AXIN1: variants seen among roughly 807,000 people sequenced by gnomAD.
AXIN1 encodes axin-1.
AXIN1 carries 30 observed loss-of-function variants against 76.4 expected under a neutral mutation model. That is an observed-to-expected ratio of 0.39 (90% CI 0.29 to 0.53). The LOEUF (loss-of-function observed/expected upper bound fraction) is 0.53, where lower values mean the gene tolerates loss of function less well. Ranked by LOEUF, AXIN1 falls within the 20% of genes least tolerant of loss-of-function variation. The pLI is 0.66. For synonymous variants in AXIN1, 545 were observed against 501.4 expected (o/e 1.09, Z -1.16); for missense variants, 1,140 against 1,198.8 (o/e 0.95, Z 0.72).
Position 293,389 on chromosome 16 carries a change from GT to G in AXIN1, c.2186+98del. ...ATGGCTGGGGGACACCCAGAGGGCC[GT>G]TTTTCCCCTGAAGACCTCAGGCCTC... On this transcript the variant is annotated intron_variant, in intron 8 of 10. Transcript: ENST00000262320. This position sits in a 1 kb window ranked among gnomAD's most constrained non-coding sequence, Gnocchi z 4.6. The G allele has an allele frequency of 7.8e-7, 1 of 1,275,540 alleles. No individual in the cohort carries two copies. Among genetic ancestry groups the G allele is most frequent in the Non-Finnish European group, 1.1e-6 (1 of 911,150 alleles). The allele number at this position is 1,275,540 out of a possible 1,614,324, so 79.0% of individuals were successfully genotyped here.
intron 2 of AXIN1, among the ~76,000 whole-genome samples, chr16:323,146 G>GA (rs1407736610): frequency 5.9e-5 from 9 of 152,090 alleles, no homozygotes; most frequent in African/African-American, 2.2e-4. Flanking sequence ...AAAAAGAAAA[G>GA]AAAAGGAAAG....
At chr16:325,931 G>T (rs2053570451) in intron 2 of AXIN1, among the ~76,000 whole-genome samples, 1 of 152,004 alleles carries the variant, frequency 6.6e-6, no homozygotes, top group Non-Finnish European at 1.5e-5. Context: ...CACAGAGAGG[G>T]CCCCACTCAC....
At chr16:299,667 T>C (rs1364852388) in intron 5 of AXIN1, among the ~76,000 whole-genome samples, 2 of 137,950 alleles carry the variant, frequency 1.4e-5, no homozygotes, top group African/African-American at 2.7e-5. Flanking sequence ...TTTATTTTCA[T>C]TTTTTTGAGA....
At chr16:344,525 GT>G (rs2141694517) in intron 2 of AXIN1, among the ~76,000 whole-genome samples, 1 of 140,610 alleles carries the variant, frequency 7.1e-6, no homozygotes, top group African/African-American at 2.7e-5. Context: ...TTGTCCTCTT[GT>G]CGCCCAGGCT....
At chr16:303,074 C>A (rs1366550151) in intron 5 of AXIN1, among the ~76,000 whole-genome samples, 3 of 152,246 alleles carry the variant, frequency 2.0e-5, no homozygotes, top group Non-Finnish European at 4.4e-5. Context: ...ATTGCCCAGG[C>A]TGGGCTCAAA....
intron 3 of AXIN1, among the ~76,000 whole-genome samples, chr16:313,460 G>C (rs1377268622): frequency 6.6e-6 from 1 of 152,224 alleles, no homozygotes; most frequent in South Asian, 2.1e-4. Context: ...CCAGCTAAGC[G>C]GGAAAGACAT....
At chr16:302,435 G>C (rs2052897955) in intron 5 of AXIN1, among the ~76,000 whole-genome samples, 1 of 152,270 alleles carries the variant, frequency 6.6e-6, no homozygotes, top group Admixed American at 6.5e-5. Flanking sequence ...CGACGTCTGT[G>C]TGTGAGACAT....
chr16:289,880 T>TG, intron 9 of AXIN1: 1 of 557,336 alleles, frequency 1.8e-6, no homozygotes, highest in Non-Finnish European at 3.2e-6. Flanking sequence ...GGCTGCCAGG[T>TG]GCACTGCAGC....
At chr16:295,794 C>T (rs1294000551) in intron 7 of AXIN1, among the ~76,000 whole-genome samples, 3 of 151,612 alleles carry the variant, frequency 2.0e-5, no homozygotes, top group African/African-American at 4.9e-5. Flanking sequence ...CCCCCTGCCC[C>T]GGTCTCTACT....
intron 7 of AXIN1, among the ~76,000 whole-genome samples, chr16:295,332 A>G (rs1044338759): frequency 1.3e-5 from 2 of 151,642 alleles, no homozygotes; most frequent in African/African-American, 4.8e-5. Flanking sequence ...CTGGTCTCGA[A>G]CTCCGGACCT....
intron 2 of AXIN1, among the ~76,000 whole-genome samples, chr16:338,750 T>G (rs775638581): frequency 6.6e-6 from 1 of 152,032 alleles, no homozygotes; most frequent in East Asian, 1.9e-4. Context: ...TGGCGAAACC[T>G]TGTCTCTACT....
At chr16:326,476 C>T (rs1331103670) in intron 2 of AXIN1, among the ~76,000 whole-genome samples, 1 of 149,384 alleles carries the variant, frequency 6.7e-6, no homozygotes, top group African/African-American at 2.5e-5. Flanking sequence ...GAGCCGGACA[C>T]GGTGGTTCAC....
At chr16:300,256 A>G (rs1302913568) in intron 5 of AXIN1, among the ~76,000 whole-genome samples, 3 of 151,952 alleles carry the variant, frequency 2.0e-5, no homozygotes, top group Non-Finnish European at 4.4e-5. Context: ...TGGTGCCATC[A>G]CAGCTCAAGG....
chr16:343,276 G>A (rs549277816), intron 2 of AXIN1, among the ~76,000 whole-genome samples: 1 of 152,242 alleles, frequency 6.6e-6, no homozygotes, highest in Non-Finnish European at 1.5e-5. Flanking sequence ...AGGACAGACA[G>A]CAAAGCTACT....
At chr16:298,838 G>C (rs1301451396) in intron 5 of AXIN1, among the ~76,000 whole-genome samples, 1 of 151,756 alleles carries the variant, frequency 6.6e-6, no homozygotes, top group African/African-American at 2.4e-5. Flanking sequence ...GTGCCATCTC[G>C]GCTCCCTGCA....
intron 4 of AXIN1, among the ~76,000 whole-genome samples, chr16:306,780 AGTCTGGGCCGTGCACAGCGCCAGGAAGGG>A (rs1217879327): frequency 2.0e-5 from 3 of 152,214 alleles, no homozygotes; most frequent in Non-Finnish European, 4.4e-5. Flanking sequence ...TCACTGCTGG[AGTCTGGGCCGTGCACAGCGCCAGGAAGGG>A]GTCTGTCCCG....
chr16:344,720 C>T (rs1432286626), intron 2 of AXIN1, among the ~76,000 whole-genome samples: 1 of 152,120 alleles, frequency 6.6e-6, no homozygotes, highest in Non-Finnish European at 1.5e-5. Context: ...AACTCCCGAC[C>T]TCAGGTGATT....
At chr16:344,732 G>T (rs887306469) in intron 2 of AXIN1, among the ~76,000 whole-genome samples, 1 of 152,036 alleles carries the variant, frequency 6.6e-6, no homozygotes, top group Non-Finnish European at 1.5e-5. Context: ...CAGGTGATTC[G>T]CCCGCCTCGG....
intron 2 of AXIN1, among the ~76,000 whole-genome samples, chr16:319,004 AGACTTGGT>A (rs900772610): frequency 6.7e-6 from 1 of 150,022 alleles, no homozygotes; most frequent in Non-Finnish European, 1.5e-5. Flanking sequence ...ATGCGGCCGG[AGACTTGGT>A]GAGAGCTGTG....
Sources: gnomAD v4.1 joint callset for allele counts (sites outside exome capture counted in the v4.1 genomes callset) on GRCh38, gnomAD v4.1.1 for gene constraint, Gnocchi (gnomAD v3.1) non-coding constraint, MANE v1.5 for transcripts, NCBI Gene and HGNC (gene_info 2026-07-23, HGNC 2026-07-21) for gene names.